Variants in MYO1E observed in about 807,000 individuals in gnomAD.
MYO1E encodes myosin IE.
In MYO1E, 68 loss-of-function variants were observed where a neutral mutation model predicts 151.1. The ratio of observed to expected loss-of-function variants is 0.45; its 90% CI spans 0.37 to 0.55. The LOEUF is 0.55. MYO1E is among the 20% of genes least tolerant of loss of function. The pLI is 0.00. For synonymous variants in MYO1E, 601 were observed against 501.7 expected (o/e 1.20, Z -2.64); for missense variants, 1,363 against 1,389.3 (o/e 0.98, Z 0.30).
intron 9 of MYO1E, among the ~76,000 whole-genome samples, chr15:59,220,613 A>C (rs1246030915): frequency 6.6e-6 from 1 of 152,158 alleles, no homozygotes; most frequent in Non-Finnish European, 1.5e-5. Flanking sequence ...AAAGGCATGG[A>C]CTACCACTTC....
At chr15:59,198,854 C>T (rs185919543) in intron 16 of MYO1E, among the ~76,000 whole-genome samples, 1 of 150,998 alleles carries the variant, frequency 6.6e-6, no homozygotes, top group Non-Finnish European at 1.5e-5. Context: ...ACCAAAAAAA[C>T]CCCCAACCAA....
rs557799072 is a variant in MYO1E, at chr15:59,339,704, T to C, written c.3+32794A>G. Among the ~76,000 whole-genome samples the C allele has an allele frequency of 2.0e-5, 3 of 152,304 alleles. No individual in the cohort carries two copies. The South Asian group carries it at 6.2e-4, about 32-fold the overall frequency. ...TCTCCCTACTAAGAATTTTAAAAAT[T>C]CAGTCCATGTATGGTGGCTCCAGCC... On this transcript the variant is annotated intron_variant, in intron 1 of 27. Coordinates refer to ENST00000288235, the MANE Select transcript of MYO1E (RefSeq NM_004998.4).
At chr15:59,285,859 T>C (rs1426259514) in intron 1 of MYO1E, among the ~76,000 whole-genome samples, 2 of 152,228 alleles carry the variant, frequency 1.3e-5, no homozygotes, top group Non-Finnish European at 2.9e-5. Context: ...TTGCCATTAA[T>C]GGCACCGGCC....
At chr15:59,371,418 A>G (rs1393350185) in intron 1 of MYO1E, among the ~76,000 whole-genome samples, 1 of 144,742 alleles carries the variant, frequency 6.9e-6, no homozygotes, top group Non-Finnish European at 1.5e-5. Context: ...TGTGGAAACT[A>G]TGAAGCCTTG....
chr15:59,227,503 C>G lies in MYO1E; in HGVS notation c.598G>C (p.Val200Leu), dbSNP rs1050459753. Residue 200 changes from valine to leucine, a missense_variant, in exon 7 of 28, where the codon GTG becomes CTG. Val to Leu is a conservative substitution (Grantham distance 32, BLOSUM62 1). Coordinates refer to ENST00000288235, the MANE Select transcript of MYO1E (RefSeq NM_004998.4). The stretch of plus-strand genomic sequence containing the variant: ...CTCCGCTCTCCTGGGTTCCTCATCA[C>G]CACCCTAGATTTTTCCAGAAGGAAG... ...SNFLLEKSRV[V>L]MRNPGERSFH... 1 of 1,614,150 alleles carries G rather than the reference C, an allele frequency of 6.2e-7. No individual in the cohort carries two copies. The highest frequency in any genetic ancestry group is 2.2e-5 in the East Asian group (1 of 44,874).
chr15:59,147,941 A>G (rs1161492504), intron 26 of MYO1E, among the ~76,000 whole-genome samples: 3 of 152,184 alleles, frequency 2.0e-5, no homozygotes, highest in African/African-American at 7.2e-5. Flanking sequence ...CAGAGATTTG[A>G]GTTCTTGAGA....
rs1379308183 is a variant in MYO1E, at chr15:59,161,184, C to A, written c.2674G>T (p.Gly892Trp). Residue 892 changes from glycine (G) to tryptophan (W), a missense_variant, in exon 24 of 28, where the codon GGG becomes TGG. Transcript: ENST00000288235. ...KKENWGPWSAGGSRQVQFHQG... is the reference protein window; with the variant it reads ...KKENWGPWSAWGSRQVQFHQG... Reference sequence around the variant, plus strand: ...TGGAACTGCACTTGCCGGGAGCCCCCTGCACTCCAGGGGCCCCAGTTTTCC... The same window carrying A: ...TGGAACTGCACTTGCCGGGAGCCCCATGCACTCCAGGGGCCCCAGTTTTCC... The A allele has an allele frequency of 1.2e-6, 2 of 1,613,918 alleles. No homozygotes were observed. The highest frequency in any genetic ancestry group is 8.5e-7 in the Non-Finnish European group (1 of 1,179,972).
rs59491381 is a variant in MYO1E, at chr15:59,319,550, C to CTTTTTTTT, written c.4-47109_4-47102dup. 1.8e-3 allele frequency among the ~76,000 whole-genome samples: 117 copies of CTTTTTTTT among 63,680 alleles called. 13 individuals carry two copies. Among genetic ancestry groups the CTTTTTTTT allele is most frequent in the East Asian group, 0.016 (32 of 2,002 alleles). 41.8% of individuals were successfully genotyped at this position (63,680 alleles called of 152,430 possible). A position where few individuals can be genotyped will look rare whatever the true frequency, so the allele number is the denominator to read the frequency against. ...AAGATAGGAAAAGAAGTCAAACTAC[C>CTTTTTTTT]TTTTTTTTTTTTTTTTTTTTTTTTT... is the stretch of plus-strand genomic sequence containing the variant. On this transcript the variant is annotated intron_variant, in intron 1 of 27. Transcript: ENST00000288235.
chr15:59,289,111 G>A (rs1392234227), intron 1 of MYO1E, among the ~76,000 whole-genome samples: 1 of 152,172 alleles, frequency 6.6e-6, no homozygotes, highest in Non-Finnish European at 1.5e-5. Context: ...GTGAAAGGAT[G>A]TGTCCACGGG....
At chr15:59,316,305 T>C (rs1016003620) in intron 1 of MYO1E, among the ~76,000 whole-genome samples, 1 of 152,220 alleles carries the variant, frequency 6.6e-6, no homozygotes, top group Admixed American at 6.5e-5. Context: ...ATAAAAGTCC[T>C]TGACAGCAGA....
At chr15:59,322,607 G>C (rs2080634119) in intron 1 of MYO1E, among the ~76,000 whole-genome samples, 1 of 152,170 alleles carries the variant, frequency 6.6e-6, no homozygotes, top group Non-Finnish European at 1.5e-5. Context: ...CCAGAGATGG[G>C]CTGAAAGGAA....
At chr15:59,251,317 CA>C (rs1280279955) in intron 4 of MYO1E, among the ~76,000 whole-genome samples, 2 of 152,018 alleles carry the variant, frequency 1.3e-5, no homozygotes, top group East Asian at 3.9e-4. Context: ...CAGGAAGAAG[CA>C]ATTAGACAAA....
chr15:59,207,329 A>C, intron 14 of MYO1E: 1 of 1,614,102 alleles, frequency 6.2e-7, no homozygotes, highest in Non-Finnish European at 8.5e-7. Flanking sequence ...GTTTGTAGCA[A>C]AGATTACTTT....
intron 1 of MYO1E, among the ~76,000 whole-genome samples, chr15:59,333,136 G>A (rs2080707836): frequency 6.6e-6 from 1 of 152,206 alleles, no homozygotes; most frequent in Admixed American, 6.5e-5. Flanking sequence ...ACTAAGAAAT[G>A]TCACATTTCT....
intron 15 of MYO1E, among the ~76,000 whole-genome samples, chr15:59,203,113 A>G (rs1410511841): frequency 2.6e-5 from 4 of 152,318 alleles, no homozygotes; most frequent in African/African-American, 4.8e-5. Context: ...GTCTGGATTC[A>G]GTGCAGATGC....
At chr15:59,321,294 A>G (rs2080624205) in intron 1 of MYO1E, among the ~76,000 whole-genome samples, 1 of 152,244 alleles carries the variant, frequency 6.6e-6, no homozygotes, top group Admixed American at 6.5e-5. Context: ...AGAACCTAAA[A>G]CAGAACTATC....
intron 6 of MYO1E, among the ~76,000 whole-genome samples, chr15:59,230,214 CAGTGTGTGTTTGTGTGTGTGTG>C (rs1427749314): frequency 2.2e-5 from 1 of 45,898 alleles, no homozygotes; most frequent in Non-Finnish European, 8.4e-5. Flanking sequence ...GAGAGAGAGA[CAGTGTGTGTTTGTGTGTGTGTG>C]TGTGTGTGTG....
At chr15:59,140,014 G>C (rs530330449) in intron 26 of MYO1E, among the ~76,000 whole-genome samples, 3 of 152,162 alleles carry the variant, frequency 2.0e-5, no homozygotes, top group East Asian at 1.9e-4. Context: ...AGTTTATCCA[G>C]AGCAGTTTCT....
intron 2 of MYO1E, among the ~76,000 whole-genome samples, chr15:59,265,974 T>G (rs1420743654): frequency 6.6e-6 from 1 of 151,086 alleles, no homozygotes; most frequent in African/African-American, 2.4e-5. Context: ...AAATAAAAAA[T>G]TTAAAAAAAA....
Sources: gnomAD v4.1 joint callset for allele counts (sites outside exome capture counted in the v4.1 genomes callset) on GRCh38, gnomAD v4.1.1 for gene constraint, MANE v1.5 for transcripts, NCBI Gene and HGNC (gene_info 2026-07-23, HGNC 2026-07-21) for gene names.